The following CCSER1 variants were observed in gnomAD, a reference collection of about 807,000 sequenced individuals.
CCSER1 encodes the protein coiled-coil serine rich protein 1.
In CCSER1, 41 loss-of-function variants were observed where a neutral mutation model predicts 82.0. The observed-to-expected ratio is 0.50, with a 90% CI of 0.39 to 0.65. The LOEUF (loss-of-function observed/expected upper bound fraction) is 0.65. CCSER1 is among the 30% of genes least tolerant of loss of function. The pLI, the probability that CCSER1 is intolerant of heterozygous loss-of-function variation, is 0.00. For missense variants in CCSER1, 1,119 were observed against 1,064.2 expected, an observed-to-expected ratio of 1.05 and a Z score of -0.72; for synonymous variants, 414 against 383.9, an observed-to-expected ratio of 1.08 and a Z score of -0.92.
At chr4:91,379,371 C>A (rs536830034) in intron 10 of CCSER1, among the ~76,000 whole-genome samples, 2 of 152,150 alleles carry the variant, frequency 1.3e-5, no homozygotes, top group African/African-American at 4.8e-5. Flanking sequence ...GCTGTGAATC[C>A]GTCTGGTCCT....
chr4:91,280,196 G>C (rs548873295), intron 10 of CCSER1, among the ~76,000 whole-genome samples: 19 of 152,348 alleles, frequency 1.2e-4, no homozygotes, highest in Non-Finnish European at 2.2e-4. Flanking sequence ...ACCAGTGTTA[G>C]TGGGTTTAGG....
At chr4:91,199,075 T>A in intron 10 of CCSER1, among the ~76,000 whole-genome samples, 1 of 152,148 alleles carries the variant, frequency 6.6e-6, no homozygotes, top group East Asian at 1.9e-4. Flanking sequence ...AAATTCACTC[T>A]AATTAGATCC....
At chr4:90,837,839 A>G (rs942522412) in intron 8 of CCSER1, among the ~76,000 whole-genome samples, 5 of 152,168 alleles carry the variant, frequency 3.3e-5, no homozygotes, top group African/African-American at 1.2e-4. Flanking sequence ...AATGTATCAG[A>G]AGTAGTTGTA....
At chr4:90,986,257 G>T (rs1296641535) in intron 9 of CCSER1, among the ~76,000 whole-genome samples, 2 of 151,510 alleles carry the variant, frequency 1.3e-5, no homozygotes, top group African/African-American at 4.8e-5. Context: ...ACTTATACTG[G>T]AAGAAAACTG....
chr4:90,342,328 T>C (rs2153505155), intron 3 of CCSER1, among the ~76,000 whole-genome samples: 1 of 152,284 alleles, frequency 6.6e-6, no homozygotes, highest in Middle Eastern at 3.4e-3. Context: ...ACTTGTTCTA[T>C]TCTTATTACC....
chr4:91,229,321 C>T lies in CCSER1; in HGVS notation c.2217+143327C>T, dbSNP rs144336389. ...AAAAAAAGGTACTCAAGTGAAGAAA[C>T]ATAAGTATATTACTTCTAGATATGT... On this transcript the variant is annotated intron_variant, in intron 10 of 10. Transcript: ENST00000509176. Among the ~76,000 whole-genome samples, 111 of 142,068 alleles carry T rather than the reference C, an allele frequency of 7.8e-4. 1 individual carries two copies. The East Asian group carries it at 0.021, about 26-fold the overall frequency. The allele number at this position is 142,068 out of a possible 152,430, so 93.2% of individuals were successfully genotyped here. A position where few individuals can be genotyped will look rare whatever the true frequency, so the allele number is the denominator to read the frequency against.
At chr4:90,873,563 C>T (rs1766831804) in intron 8 of CCSER1, among the ~76,000 whole-genome samples, 1 of 152,000 alleles carries the variant, frequency 6.6e-6, no homozygotes, top group South Asian at 2.1e-4. Flanking sequence ...TAATTGTAAA[C>T]AAATAATATT....
At chr4:90,505,543 G>T (rs1288894617) in intron 5 of CCSER1, among the ~76,000 whole-genome samples, 1 of 152,192 alleles carries the variant, frequency 6.6e-6, no homozygotes, top group East Asian at 1.9e-4. Context: ...GAGCCCTGAG[G>T]GCTGCTGCTG....
At chr4:91,486,353 G>T (rs1053246986) in intron 10 of CCSER1, among the ~76,000 whole-genome samples, 2 of 151,946 alleles carry the variant, frequency 1.3e-5, no homozygotes, top group African/African-American at 4.8e-5. Flanking sequence ...AATATGGCTT[G>T]AAATAATGCC....
intron 10 of CCSER1, among the ~76,000 whole-genome samples, chr4:91,573,663 C>T (rs1031970722): frequency 4.6e-5 from 7 of 152,250 alleles, no homozygotes; most frequent in African/African-American, 7.2e-5. Context: ...CCAGGTGGAC[C>T]GTTGCCCTGC....
chr4:91,411,143 C>A (rs1333764879), intron 10 of CCSER1, among the ~76,000 whole-genome samples: 1 of 151,638 alleles, frequency 6.6e-6, no homozygotes, highest in Non-Finnish European at 1.5e-5. Flanking sequence ...TTCTAAATTT[C>A]TTAAAATATT....
At chr4:90,135,193 G>A (rs1006861609) in intron 1 of CCSER1, among the ~76,000 whole-genome samples, 3 of 152,142 alleles carry the variant, frequency 2.0e-5, no homozygotes, top group Non-Finnish European at 2.9e-5. Context: ...AGCAGCCTTT[G>A]ATAACTCAAC....
chr4:90,550,978 C>A (rs955491075), intron 5 of CCSER1, among the ~76,000 whole-genome samples: 8 of 152,154 alleles, frequency 5.3e-5, no homozygotes, highest in African/African-American at 1.9e-4. Flanking sequence ...TTTATTAAGA[C>A]ATTAATATTG....
intron 10 of CCSER1, among the ~76,000 whole-genome samples, chr4:91,087,809 C>T (rs541514593): frequency 6.6e-6 from 1 of 152,230 alleles, no homozygotes; most frequent in East Asian, 1.9e-4. Flanking sequence ...TAGGGCAGCA[C>T]TGGGTTACTT....
intron 10 of CCSER1, among the ~76,000 whole-genome samples, chr4:91,427,963 C>A (rs1212089993): frequency 6.6e-6 from 1 of 151,846 alleles, no homozygotes; most frequent in Admixed American, 6.6e-5. Context: ...ATACAAAGTC[C>A]CAATTGCTCT....
chr4:90,334,042 G>C (rs966501565), intron 3 of CCSER1, among the ~76,000 whole-genome samples: 2 of 152,146 alleles, frequency 1.3e-5, no homozygotes, highest in Admixed American at 1.3e-4. Context: ...TTCAGTATGC[G>C]ATCACCTTCT....
At chr4:90,853,649 A>G (rs1764129048) in intron 8 of CCSER1, among the ~76,000 whole-genome samples, 1 of 152,166 alleles carries the variant, frequency 6.6e-6, no homozygotes, top group Admixed American at 6.5e-5. Context: ...TTACAATTAA[A>G]ACAACTTCAA....
intron 10 of CCSER1, among the ~76,000 whole-genome samples, chr4:91,516,237 C>G (rs1760114043): frequency 6.6e-6 from 1 of 151,980 alleles, no homozygotes; most frequent in Non-Finnish European, 1.5e-5. Flanking sequence ...TCAATTTTTG[C>G]CTTTGTTGCA....
At chr4:90,662,597 T>C (rs1313378059) in intron 6 of CCSER1, among the ~76,000 whole-genome samples, 2 of 152,184 alleles carry the variant, frequency 1.3e-5, no homozygotes, top group Admixed American at 1.3e-4. Flanking sequence ...GATTGGATTA[T>C]TTATTCATTT....
Sources: allele counts gnomAD v4.1 joint callset (sites outside exome capture counted in the v4.1 genomes callset), GRCh38; gene constraint gnomAD v4.1.1; transcripts MANE v1.5; gene names NCBI Gene and HGNC (gene_info 2026-07-23, HGNC 2026-07-21).